PHF24: variants seen among roughly 807,000 people sequenced by gnomAD.
The protein encoded by PHF24 is Galpha inhibitory interacting protein.
In PHF24, 25 loss-of-function variants were observed where a neutral mutation model predicts 42.6. That is an observed-to-expected ratio of 0.59 (90% CI 0.43 to 0.82). The LOEUF (loss-of-function observed/expected upper bound fraction) is 0.82. Ranked by LOEUF, PHF24 falls within the 40% of genes least tolerant of loss-of-function variation. The pLI, the probability that PHF24 is intolerant of heterozygous loss-of-function variation, is 0.00. For synonymous variants in PHF24, 185 were observed against 204.8 expected (o/e 0.90, Z 0.83); for missense variants, 470 against 538.1 (o/e 0.87, Z 1.25).
At chr9:34,740,577 G>A in the PHF24 span, among the ~76,000 whole-genome samples, 3 of 152,184 alleles carry the variant, frequency 2.0e-5, no homozygotes, top group South Asian at 2.1e-4. Flanking sequence ...CAGCTGGCCC[G>A]CAAGCACCTC....
the PHF24 span, among the ~76,000 whole-genome samples, chr9:34,918,702 TTAC>T: frequency 6.6e-6 from 1 of 152,204 alleles, no homozygotes; most frequent in East Asian, 1.9e-4. Flanking sequence ...TAAATATTTG[TTAC>T]TACTTTTTTC....
intron 6 of PHF24, 49 bp downstream of exon 6, chr9:34,977,292 T>C: frequency 6.5e-7 from 1 of 1,536,368 alleles, no homozygotes; most frequent in Non-Finnish European, 8.8e-7. Flanking sequence ...CCTCCTCCCT[T>C]TTCCATGCCA....
the PHF24 span, among the ~76,000 whole-genome samples, chr9:34,942,225 T>C: frequency 1.9e-4 from 29 of 152,320 alleles, no homozygotes; most frequent in African/African-American, 6.5e-4. Flanking sequence ...CCAGGTCCCA[T>C]TGAAAGCTGG....
chr9:34,762,191 T>C, the PHF24 span, among the ~76,000 whole-genome samples: 2 of 152,104 alleles, frequency 1.3e-5, no homozygotes, highest in Admixed American at 1.3e-4. Context: ...GCATGATTTA[T>C]AGTCATTTGG....
chr9:34,737,957 CTT>C, the PHF24 span, among the ~76,000 whole-genome samples: 1 of 144,516 alleles, frequency 6.9e-6, no homozygotes, highest in Non-Finnish European at 1.5e-5. Context: ...TTTTGTCTAG[CTT>C]TTTTTTTTTT....
the PHF24 span, among the ~76,000 whole-genome samples, chr9:34,857,862 T>A: frequency 6.6e-6 from 1 of 152,228 alleles, no homozygotes; most frequent in Non-Finnish European, 1.5e-5. Context: ...TCATTCATCC[T>A]ATTTTTTAGT....
chr9:34,754,842 A>G, the PHF24 span, among the ~76,000 whole-genome samples: 1 of 152,362 alleles, frequency 6.6e-6, no homozygotes, highest in African/African-American at 2.4e-5. Flanking sequence ...CAAATATGGT[A>G]CATACACACA....
At chr9:34,738,030 CAGAG>C in the PHF24 span, among the ~76,000 whole-genome samples, 1 of 150,974 alleles carries the variant, frequency 6.6e-6, no homozygotes, top group Non-Finnish European at 1.5e-5. Flanking sequence ...GAAGATTATG[CAGAG>C]AGACTACATA....
the PHF24 span, among the ~76,000 whole-genome samples, chr9:34,809,470 G>A: frequency 2.0e-5 from 3 of 152,204 alleles, no homozygotes; most frequent in Non-Finnish European, 4.4e-5. This position sits in a 1 kb window ranked among gnomAD's most constrained non-coding sequence, Gnocchi z 4.1. Context: ...AGCAAAAAGT[G>A]GGTTACACGA....
chr9:34,668,099 A>G, the PHF24 span, among the ~76,000 whole-genome samples: 1 of 152,224 alleles, frequency 6.6e-6, no homozygotes, highest in Non-Finnish European at 1.5e-5. Flanking sequence ...GCTAAGAGGC[A>G]GAGTCCCCAG....
the PHF24 span, chr9:34,892,688 T>C: frequency 6.7e-4 from 308 of 460,166 alleles, 1 homozygote; most frequent in Middle Eastern, 0.017. Flanking sequence ...TTTGGAGTTG[T>C]TTTTCGTCCT....
the PHF24 span, among the ~76,000 whole-genome samples, chr9:34,903,190 C>T: frequency 6.6e-6 from 1 of 152,160 alleles, no homozygotes; most frequent in Admixed American, 6.5e-5. Flanking sequence ...CTTGCCACCT[C>T]TATTTCATTC....
At chr9:34,941,550 T>A in the PHF24 span, among the ~76,000 whole-genome samples, 1 of 152,174 alleles carries the variant, frequency 6.6e-6, no homozygotes, top group East Asian at 1.9e-4. Flanking sequence ...TTTGTCTCAG[T>A]CTGTTCAGGC....
chr9:34,892,806 C>A, the PHF24 span: 1 of 629,532 alleles, frequency 1.6e-6, no homozygotes. Flanking sequence ...TGAAAGTGAT[C>A]AGCCCAGGAA....
At chr9:34,679,229 A>T in the PHF24 span, among the ~76,000 whole-genome samples, 1 of 152,188 alleles carries the variant, frequency 6.6e-6, no homozygotes, top group Non-Finnish European at 1.5e-5. Flanking sequence ...GTGGTGTTTG[A>T]GGTGTCTGTG....
At chr9:34,830,304 A>C in the PHF24 span, among the ~76,000 whole-genome samples, 2 of 152,142 alleles carry the variant, frequency 1.3e-5, no homozygotes, top group Non-Finnish European at 2.9e-5. Context: ...CCCTTTGTTC[A>C]TGTTTATCAT....
At chr9:34,730,233 C>G in the PHF24 span, among the ~76,000 whole-genome samples, 1 of 152,118 alleles carries the variant, frequency 6.6e-6, no homozygotes, top group Non-Finnish European at 1.5e-5. Context: ...TTATTTTTCT[C>G]AAATCTGTAT....
the PHF24 span, among the ~76,000 whole-genome samples, chr9:34,923,803 T>A: frequency 1.3e-4 from 20 of 152,100 alleles, no homozygotes. Context: ...ATTGTTTTCA[T>A]TTTTATTTAT....
At chr9:34,917,409 A>G in the PHF24 span, 1 of 769,182 alleles carries the variant, frequency 1.3e-6, no homozygotes, top group Non-Finnish European at 2.4e-6. Context: ...AGTGACATGT[A>G]TCTCGTTCCT....
Sources: allele counts gnomAD v4.1 joint callset (sites outside exome capture counted in the v4.1 genomes callset), GRCh38; gene constraint gnomAD v4.1.1; non-coding constraint Gnocchi (gnomAD v3.1); transcripts MANE v1.5; gene names NCBI Gene and HGNC (gene_info 2026-07-23, HGNC 2026-07-21).